ACOXL: variants seen among roughly 807,000 people sequenced by gnomAD.
The protein encoded by ACOXL is acyl-coenzyme A oxidase-like protein.
A neutral mutation model predicts 71.9 loss-of-function variants in ACOXL; 70 were observed. The observed-to-expected ratio is 0.97, with a 90% CI of 0.80 to 1.19. The LOEUF is 1.19. Among genes scored for constraint, ACOXL ranks in the 50% most tolerant of loss-of-function variants. The probability of loss-of-function intolerance (pLI) is 0.00; values close to 1 mark genes in which losing one functional copy is unlikely to be tolerated. For synonymous variants in ACOXL, 253 were observed against 281.6 expected (o/e 0.90, Z 1.02); for missense variants, 703 against 736.3 (o/e 0.95, Z 0.52).
chr2:111,031,667 C>T lies in ACOXL; in HGVS notation c.1322C>T (p.Ser441Leu), dbSNP rs764076061. The part of the protein sequence containing the change: ...KKEDFFHAWN[S>L]CLHHVASLSL... ...GAGGATTTTTTCCATGCCTGGAACTCGTGTCTGCACCACGTGGCTTCTCTG... is the reference window on the plus strand; with the variant it reads ...GAGGATTTTTTCCATGCCTGGAACTTGTGTCTGCACCACGTGGCTTCTCTG... The change falls in exon 15 of 18, where the codon TCG becomes TTG. Residue 441 changes from serine to leucine, a missense_variant. Transcript: ENST00000439055. 1.5e-5 allele frequency: 24 copies of T among 1,614,030 alleles called. No individual in the cohort carries two copies. Among genetic ancestry groups the T allele is most frequent in the Non-Finnish European group, 1.7e-5 (20 of 1,180,032 alleles).
intron 10 of ACOXL, among the ~76,000 whole-genome samples, chr2:110,844,912 A>G (rs904371027): frequency 6.6e-6 from 1 of 152,012 alleles, no homozygotes; most frequent in Admixed American, 6.6e-5. Context: ...ATCCAGCAGG[A>G]GGAAGATGAG....
chr2:110,790,058 GATGGC>G (rs1684463893), intron 3 of ACOXL, among the ~76,000 whole-genome samples: 1 of 152,228 alleles, frequency 6.6e-6, no homozygotes, highest in Non-Finnish European at 1.5e-5. Context: ...CCTCCCTAAA[GATGGC>G]ATTGCTAAAG....
intron 11 of ACOXL, among the ~76,000 whole-genome samples, chr2:110,914,851 T>C (rs748119418): frequency 3.9e-5 from 6 of 152,146 alleles, no homozygotes; most frequent in Non-Finnish European, 5.9e-5. Context: ...TGTGGGTATA[T>C]AGTAGGTGTT....
intron 13 of ACOXL, among the ~76,000 whole-genome samples, chr2:110,993,719 A>G (rs553420406): frequency 5.9e-4 from 90 of 152,276 alleles, no homozygotes; most frequent in Non-Finnish European, 1.1e-3. Flanking sequence ...CATTTTGCAA[A>G]GAGATTTCAC....
At chr2:110,785,656 C>T (rs917224408) in intron 3 of ACOXL, among the ~76,000 whole-genome samples, 1 of 151,954 alleles carries the variant, frequency 6.6e-6, no homozygotes, top group African/African-American at 2.4e-5. Context: ...GTGAATATAC[C>T]ACAGCATTTA....
chr2:110,819,059 A>C (rs200102537), intron 9 of ACOXL, among the ~76,000 whole-genome samples: 3 of 70,136 alleles, frequency 4.3e-5, no homozygotes, highest in Admixed American at 1.4e-4. Context: ...CAGTCTGGAG[A>C]TGATCTCCAG....
chr2:111,021,347 G>A (rs1221901972), intron 14 of ACOXL, among the ~76,000 whole-genome samples: 1 of 152,192 alleles, frequency 6.6e-6, no homozygotes, highest in Non-Finnish European at 1.5e-5. Flanking sequence ...GGGAACTGTG[G>A]ACATCAGGGT....
chr2:110,847,336 C>G (rs1692036349), intron 10 of ACOXL, among the ~76,000 whole-genome samples: 1 of 152,182 alleles, frequency 6.6e-6, no homozygotes, highest in Admixed American at 6.5e-5. Flanking sequence ...GAGCATCACC[C>G]CTTTGGCTCT....
At chr2:110,833,635 G>A (rs1227987620) in intron 9 of ACOXL, among the ~76,000 whole-genome samples, 7 of 152,208 alleles carry the variant, frequency 4.6e-5, no homozygotes, top group South Asian at 4.2e-4. Flanking sequence ...ACCTGCATGC[G>A]AATCTACAAT....
At chr2:110,880,699 G>A (rs942249852) in intron 10 of ACOXL, among the ~76,000 whole-genome samples, 28 of 152,188 alleles carry the variant, frequency 1.8e-4, no homozygotes, top group Admixed American at 1.8e-3. Context: ...TGTAATCCCA[G>A]CACTTTGGGA....
In ACOXL at chr2:110,882,130, T is replaced by C. The variant is rs138066314; in HGVS notation, c.789-26659T>C. 2.9e-3 allele frequency among the ~76,000 whole-genome samples: 439 copies of C among 152,322 alleles called. 4 individuals are homozygous for C. The highest frequency in any genetic ancestry group is 0.01 in the African/African-American group (420 of 41,572). ...GTTGCTCCACACTCTCAACAATCCT[T>C]AGCGTGGTCAGTCTTTTCAATTTGA... On this transcript the variant is annotated intron_variant, in intron 10 of 17. Coordinates refer to ENST00000439055, the MANE Select transcript of ACOXL (RefSeq NM_001142807.4).
intron 3 of ACOXL, among the ~76,000 whole-genome samples, chr2:110,790,819 C>A (rs1468552204): frequency 6.6e-6 from 1 of 152,216 alleles, no homozygotes; most frequent in Non-Finnish European, 1.5e-5. Context: ...CTCCTCCTGG[C>A]TCCTCCCAGC....
intron 10 of ACOXL, among the ~76,000 whole-genome samples, chr2:110,905,379 G>A (rs1445831465): frequency 6.6e-6 from 1 of 152,160 alleles, no homozygotes; most frequent in African/African-American, 2.4e-5. Flanking sequence ...AAGGGGCTTA[G>A]TGGGAGAAAA....
intron 14 of ACOXL, among the ~76,000 whole-genome samples, chr2:111,007,067 C>A (rs2063911983): frequency 6.6e-6 from 1 of 152,112 alleles, no homozygotes; most frequent in Non-Finnish European, 1.5e-5. Context: ...AGTTACACTC[C>A]TGATAATTAC....
At chr2:110,772,164 C>T (rs1559242020) in intron 2 of ACOXL, among the ~76,000 whole-genome samples, 1 of 152,140 alleles carries the variant, frequency 6.6e-6, no homozygotes, top group Non-Finnish European at 1.5e-5. Context: ...GTTAGTTATA[C>T]AATTAGTGAG....
At chr2:110,842,736 A>T (rs1478270642) in intron 10 of ACOXL, among the ~76,000 whole-genome samples, 3 of 152,076 alleles carry the variant, frequency 2.0e-5, no homozygotes, top group Admixed American at 2.0e-4. Flanking sequence ...TATGGAGGCT[A>T]CCTCTCAAAT....
chr2:111,028,812 A>G (rs772699856), intron 14 of ACOXL, among the ~76,000 whole-genome samples: 6 of 152,194 alleles, frequency 3.9e-5, no homozygotes, highest in Non-Finnish European at 8.8e-5. Flanking sequence ...CAAAGATTTA[A>G]GTATGGGATG....
intron 17 of ACOXL, among the ~76,000 whole-genome samples, chr2:111,116,866 T>C (rs1433565068): frequency 2.0e-5 from 3 of 151,888 alleles, no homozygotes; most frequent in Non-Finnish European, 4.4e-5. Flanking sequence ...GAAATAAAAA[T>C]ACACCAGTGC....
intron 2 of ACOXL, among the ~76,000 whole-genome samples, chr2:110,776,765 T>C (rs1682702047): frequency 6.6e-6 from 1 of 151,852 alleles, no homozygotes; most frequent in African/African-American, 2.4e-5. Context: ...CCGGATAAAA[T>C]GGGAGGACTT....
Sources: gnomAD v4.1 joint callset for allele counts (sites outside exome capture counted in the v4.1 genomes callset) on GRCh38, gnomAD v4.1.1 for gene constraint, MANE v1.5 for transcripts, NCBI Gene and HGNC (gene_info 2026-07-23, HGNC 2026-07-21) for gene names.